Variants in VPS13B observed in about 807,000 individuals in gnomAD.
VPS13B encodes the protein vacuolar protein sorting 13 homolog B, also known as intermembrane lipid transfer protein VPS13B.
VPS13B carries 285 observed loss-of-function variants against 426.4 expected under a neutral mutation model. The observed-to-expected ratio is 0.67, with a 90% CI of 0.61 to 0.74. VPS13B has a LOEUF of 0.74. Among genes scored for constraint, VPS13B ranks in the 30% least tolerant of loss-of-function variants. The pLI is 0.00. For missense variants in VPS13B, 4,537 were observed against 4,782.6 expected, an observed-to-expected ratio of 0.95 and a Z score of 1.51; for synonymous variants, 1,676 against 1,676.4, an observed-to-expected ratio of 1.00 and a Z score of 0.01.
At chr8:99,455,950 G>A (rs1374940932) in intron 23 of VPS13B, among the ~76,000 whole-genome samples, 1 of 152,198 alleles carries the variant, frequency 6.6e-6, no homozygotes, top group Non-Finnish European at 1.5e-5. Flanking sequence ...GACAGATGTT[G>A]TAACTGATCA....
chr8:99,141,900 A>C (rs1455266056), intron 12 of VPS13B, among the ~76,000 whole-genome samples: 9 of 146,884 alleles, frequency 6.1e-5, no homozygotes, highest in Non-Finnish European at 1.2e-4. Flanking sequence ...AAAAAAAAAC[A>C]AAATTAGCCG....
At chr8:99,062,101 T>C (rs1844221393) in intron 3 of VPS13B, among the ~76,000 whole-genome samples, 1 of 152,232 alleles carries the variant, frequency 6.6e-6, no homozygotes, top group African/African-American at 2.4e-5. Context: ...TCCTTCAACT[T>C]GTCTAAATCC....
intron 17 of VPS13B, among the ~76,000 whole-genome samples, chr8:99,244,563 G>A (rs1817103943): frequency 6.6e-6 from 1 of 152,200 alleles, no homozygotes; most frequent in Non-Finnish European, 1.5e-5. Flanking sequence ...AAAATATTCT[G>A]AGGACCTATG....
intron 58 of VPS13B, among the ~76,000 whole-genome samples, chr8:99,862,339 G>C (rs1284940729): frequency 6.6e-6 from 1 of 152,178 alleles, no homozygotes; most frequent in Non-Finnish European, 1.5e-5. Flanking sequence ...CGCTTCTTTT[G>C]TTTGAGAAAC....
intron 17 of VPS13B, among the ~76,000 whole-genome samples, chr8:99,258,157 A>G (rs1166200455): frequency 2.6e-5 from 4 of 151,802 alleles, no homozygotes; most frequent in African/African-American, 9.7e-5. Flanking sequence ...TATTATTTTA[A>G]CCAATAAATT....
chr8:99,017,821 A>C (rs1207052802), intron 2 of VPS13B, among the ~76,000 whole-genome samples: 1 of 152,062 alleles, frequency 6.6e-6, no homozygotes, highest in Non-Finnish European at 1.5e-5. Flanking sequence ...TCAACTTATA[A>C]CTTTTAGAAT....
intron 19 of VPS13B, among the ~76,000 whole-genome samples, chr8:99,362,657 A>C (rs1812635553): frequency 6.6e-6 from 1 of 152,192 alleles, no homozygotes; most frequent in South Asian, 2.1e-4. Context: ...CAGGGCATTT[A>C]GGTTTTAAAT....
At chr8:99,856,322 A>AC (rs1421218876) in intron 56 of VPS13B, among the ~76,000 whole-genome samples, 1 of 152,206 alleles carries the variant, frequency 6.6e-6, no homozygotes, top group Non-Finnish European at 1.5e-5. Flanking sequence ...CAATCTGAAG[A>AC]CCATCTGAAA....
chr8:99,799,488 G>T lies in VPS13B; in HGVS notation c.7942-9887G>T, dbSNP rs532959058. Reference sequence around the variant, plus strand: ...GTTATACAGGCACTAAGAAGCAGCGGTTGCCATGAAATACTTTATTTAACC... The same window carrying T: ...GTTATACAGGCACTAAGAAGCAGCGTTTGCCATGAAATACTTTATTTAACC... On this transcript the variant is annotated intron_variant, in intron 43 of 61. Transcript: ENST00000357162. 2.1e-3 allele frequency among the ~76,000 whole-genome samples: 323 copies of T among 152,272 alleles called. 1 individual carries two copies. Among genetic ancestry groups the T allele is most frequent in the African/African-American group, 7.5e-3 (311 of 41,552 alleles).
intron 21 of VPS13B, among the ~76,000 whole-genome samples, chr8:99,419,491 A>G (rs187095130): frequency 1.3e-3 from 193 of 152,244 alleles, no homozygotes; most frequent in Non-Finnish European, 1.8e-3. Flanking sequence ...CCTCTCCATT[A>G]TGATCTATGA....
At position 99,577,473 on chromosome 8, in the gene VPS13B, T is replaced by C. The variant is rs1205961721; in HGVS notation, c.5077-17T>C. ...CTATCATGTTTCTTTATCTGTATTCTACCGTTTTTGCTTCAGGAGATTTTA... is the reference window on the plus strand; with the variant it reads ...CTATCATGTTTCTTTATCTGTATTCCACCGTTTTTGCTTCAGGAGATTTTA... On this transcript the variant is annotated splice_polypyrimidine_tract_variant and intron_variant, in intron 32 of 61. Transcript: ENST00000357162. The C allele has an allele frequency of 6.2e-7, 1 of 1,613,464 alleles. No homozygotes were observed. Among genetic ancestry groups the C allele is most frequent in the African/African-American group, 1.3e-5 (1 of 74,926 alleles).
Position 99,876,707 on chromosome 8 carries a change from G to C in VPS13B, c.*1041G>C, listed in dbSNP as rs140374149. ...TTGACTCAAGATCTTGGGTTACCAA[G>C]ATGTCTTAAATGTTCAGTAAATATC... On this transcript the variant is annotated 3_prime_UTR_variant, in exon 62 of 62. Coordinates refer to ENST00000357162, the MANE Select transcript of VPS13B (RefSeq NM_152564.5). 1 of 152,328 alleles carries C rather than the reference G, an allele frequency of 6.6e-6. No homozygotes were observed. Among genetic ancestry groups the C allele is most frequent in the Non-Finnish European group, 1.5e-5 (1 of 68,024 alleles). 9.4% of individuals were successfully genotyped at this position (152,328 alleles called of 1,614,324 possible). A position where few individuals can be genotyped will look rare whatever the true frequency, so the allele number is the denominator to read the frequency against.
At chr8:99,352,791 T>C (rs1167017413) in intron 19 of VPS13B, among the ~76,000 whole-genome samples, 2 of 151,160 alleles carry the variant, frequency 1.3e-5, no homozygotes, top group African/African-American at 4.9e-5. Flanking sequence ...GCCATTGCAC[T>C]CCAGCCTGGG....
chr8:99,492,732 T>G (rs557209907), intron 25 of VPS13B, among the ~76,000 whole-genome samples: 1 of 152,238 alleles, frequency 6.6e-6, no homozygotes, highest in East Asian at 1.9e-4. Context: ...AGAAGTGCAG[T>G]ATTTGGGCGA....
chr8:99,205,468 T>C (rs908949150), intron 17 of VPS13B, among the ~76,000 whole-genome samples: 1 of 152,062 alleles, frequency 6.6e-6, no homozygotes, highest in Non-Finnish European at 1.5e-5. Context: ...CAAACCTGCA[T>C]GTTCTACACA....
chr8:99,439,687 G>A (rs1219927429), intron 22 of VPS13B, among the ~76,000 whole-genome samples: 1 of 151,942 alleles, frequency 6.6e-6, no homozygotes, highest in Admixed American at 6.6e-5. Context: ...ATTGAAAAGG[G>A]AAGAAAATGT....
chr8:99,563,510 T>C (rs946183286), intron 31 of VPS13B, among the ~76,000 whole-genome samples: 1 of 152,186 alleles, frequency 6.6e-6, no homozygotes. Flanking sequence ...TAGTCAATCA[T>C]TCATTTCTCT....
chr8:99,143,260 G>T, intron 13 of VPS13B, 95 bp downstream of exon 13: 1 of 1,531,424 alleles, frequency 6.5e-7, no homozygotes. Context: ...TACGTTTTTA[G>T]TGTAATTTGC....
intron 56 of VPS13B, among the ~76,000 whole-genome samples, chr8:99,858,897 TCTC>T (rs1215279684): frequency 6.6e-6 from 1 of 152,130 alleles, no homozygotes; most frequent in African/African-American, 2.4e-5. Flanking sequence ...TGGCCAGGCA[TCTC>T]CTCCTATCCT....
Sources: allele counts gnomAD v4.1 joint callset (sites outside exome capture counted in the v4.1 genomes callset), GRCh38; gene constraint gnomAD v4.1.1; transcripts MANE v1.5; gene names NCBI Gene and HGNC (gene_info 2026-07-23, HGNC 2026-07-21).